Variants in TRHDE observed in about 807,000 individuals in gnomAD.
TRHDE encodes thyrotropin-releasing hormone-degrading ectoenzyme.
TRHDE carries 72 observed loss-of-function variants against 125.7 expected under a neutral mutation model. The observed-to-expected ratio is 0.57, with a 90% CI of 0.47 to 0.70. TRHDE has a LOEUF of 0.70. TRHDE is among the 30% of genes least tolerant of loss of function. The pLI is 0.00. For missense variants in TRHDE, 1,110 were observed against 1,327.1 expected, an observed-to-expected ratio of 0.84 and a Z score of 2.54; for synonymous variants, 509 against 509.1, an observed-to-expected ratio of 1.00 and a Z score of 0.00.
At chr12:72,661,103 A>T (rs767500765) in intron 18 of TRHDE, among the ~76,000 whole-genome samples, 18 of 152,160 alleles carry the variant, frequency 1.2e-4, no homozygotes, top group Non-Finnish European at 2.4e-4. Flanking sequence ...CCACAAGGGG[A>T]GTATTTACTG....
intron 2 of TRHDE, among the ~76,000 whole-genome samples, chr12:72,354,514 T>C (rs1416980682): frequency 6.6e-6 from 1 of 151,292 alleles, no homozygotes; most frequent in Non-Finnish European, 1.5e-5. Context: ...TAGCAGGTGT[T>C]CTAATAAGTA....
intron 2 of TRHDE, among the ~76,000 whole-genome samples, chr12:72,117,284 C>A (rs111475226): frequency 7.2e-5 from 11 of 152,046 alleles, no homozygotes; most frequent in Non-Finnish European, 1.5e-4. Context: ...TAGTTTCATT[C>A]TTCAGCATAT....
intron 3 of TRHDE, among the ~76,000 whole-genome samples, chr12:72,437,360 T>A (rs1424518163): frequency 2.0e-5 from 3 of 151,844 alleles, no homozygotes; most frequent in Non-Finnish European, 3.0e-5. Flanking sequence ...CACCCATTTC[T>A]CCGTTGTATT....
intron 3 of TRHDE, among the ~76,000 whole-genome samples, chr12:72,398,168 C>T (rs887755386): frequency 1.3e-5 from 2 of 151,806 alleles, no homozygotes; most frequent in Non-Finnish European, 2.9e-5. Flanking sequence ...TGAACTCATC[C>T]TTTTTTATGG....
chr12:72,376,428 T>C (rs1385547228), intron 2 of TRHDE, among the ~76,000 whole-genome samples: 2 of 152,290 alleles, frequency 1.3e-5, no homozygotes, highest in Non-Finnish European at 2.9e-5. Flanking sequence ...ACCACTACCT[T>C]CTTAAGAGTG....
chr12:72,365,741 G>A (rs1386806345), intron 2 of TRHDE, among the ~76,000 whole-genome samples: 1 of 152,118 alleles, frequency 6.6e-6, no homozygotes, highest in African/African-American at 2.4e-5. Flanking sequence ...AGATAAGAAG[G>A]TATAATATAT....
chr12:72,582,096 C>A (rs11179262), intron 12 of TRHDE: 96 of 224,708 alleles, frequency 4.3e-4, no homozygotes, highest in Non-Finnish European at 5.1e-4. Flanking sequence ...AGCGAGACTC[C>A]GTCTCAAAAA....
At chr12:72,218,132 T>C (rs774289410) in intron 2 of TRHDE, among the ~76,000 whole-genome samples, 1 of 152,084 alleles carries the variant, frequency 6.6e-6, no homozygotes, top group Non-Finnish European at 1.5e-5. Flanking sequence ...ATGTGAGTTA[T>C]AGATAATATA....
At chr12:72,123,239 A>G (rs1875634204) in intron 2 of TRHDE, among the ~76,000 whole-genome samples, 1 of 152,154 alleles carries the variant, frequency 6.6e-6, no homozygotes, top group Non-Finnish European at 1.5e-5. Context: ...AGAAAGTAAA[A>G]TTCCAAGGAA....
Position 72,408,740 on chromosome 12 carries a change from A to T in TRHDE, c.1315+30619A>T, listed in dbSNP as rs140836412. ...TCAAACTTTTACAAAAGAGAAATCC[A>T]ATAGCTGAAAGTAAAAACTCAATAG... On this transcript the variant is annotated intron_variant, in intron 3 of 18. Coordinates refer to ENST00000261180, the MANE Select transcript of TRHDE (RefSeq NM_013381.3). Among the ~76,000 whole-genome samples the T allele has an allele frequency of 1.8e-3, 272 of 152,316 alleles. 1 individual carries two copies. The highest frequency in any genetic ancestry group is 6.4e-3 in the African/African-American group (266 of 41,572).
At chr12:72,200,613 A>G (rs1877540141) in intron 2 of TRHDE, among the ~76,000 whole-genome samples, 1 of 152,202 alleles carries the variant, frequency 6.6e-6, no homozygotes, top group African/African-American at 2.4e-5. Flanking sequence ...GGATTGGGAC[A>G]TGCAGGGAGT....
At chr12:72,575,664 G>T in intron 12 of TRHDE, 122 bp downstream of exon 12, 2 of 948,332 alleles carry the variant, frequency 2.1e-6, no homozygotes, top group Non-Finnish European at 3.2e-6. Context: ...TCTATCTTAT[G>T]TTCTTTGACT....
At chr12:72,445,541 C>T (rs959887182) in intron 3 of TRHDE, among the ~76,000 whole-genome samples, 3 of 151,826 alleles carry the variant, frequency 2.0e-5, no homozygotes, top group Non-Finnish European at 4.4e-5. Flanking sequence ...ATTTTTGTTG[C>T]TTTGCTGAAT....
intron 6 of TRHDE, among the ~76,000 whole-genome samples, chr12:72,517,481 G>A (rs1419015326): frequency 1.2e-4 from 19 of 152,024 alleles, no homozygotes; most frequent in South Asian, 2.1e-4. Flanking sequence ...CTGTGGGATC[G>A]GTGGTGATAT....
intron 3 of TRHDE, among the ~76,000 whole-genome samples, chr12:72,427,021 G>A (rs973358694): frequency 6.6e-6 from 1 of 151,998 alleles, no homozygotes; most frequent in East Asian, 1.9e-4. Context: ...CAGTTATCTA[G>A]GTTCTAAAAC....
intron 2 of TRHDE, among the ~76,000 whole-genome samples, chr12:72,145,489 T>C (rs1876207261): frequency 6.6e-6 from 1 of 152,246 alleles, no homozygotes; most frequent in African/African-American, 2.4e-5. Context: ...TTGGTTTTAA[T>C]ATACATCCTG....
chr12:72,213,090 CAT>C (rs994361139), intron 2 of TRHDE, among the ~76,000 whole-genome samples: 1 of 151,968 alleles, frequency 6.6e-6, no homozygotes, highest in African/African-American at 2.4e-5. Context: ...CAAAAGATTA[CAT>C]GTTATGTATA....
At chr12:72,170,924 T>C (rs893449787) in intron 2 of TRHDE, among the ~76,000 whole-genome samples, 5 of 152,170 alleles carry the variant, frequency 3.3e-5, no homozygotes, top group African/African-American at 1.2e-4. Flanking sequence ...TTATAATAGA[T>C]ATCCAGGAAG....
intron 3 of TRHDE, among the ~76,000 whole-genome samples, chr12:72,421,640 T>A (rs1411411700): frequency 6.6e-6 from 1 of 152,188 alleles, no homozygotes; most frequent in African/African-American, 2.4e-5. Context: ...AATCATGTCG[T>A]AAAAGACCTT....
Sources: gnomAD v4.1 joint callset for allele counts (sites outside exome capture counted in the v4.1 genomes callset) on GRCh38, gnomAD v4.1.1 for gene constraint, MANE v1.5 for transcripts, NCBI Gene and HGNC (gene_info 2026-07-23, HGNC 2026-07-21) for gene names.